Variants in TTC13 observed in about 807,000 individuals in gnomAD.
TTC13 encodes the protein tetratricopeptide repeat protein 13.
TTC13 carries 62 observed loss-of-function variants against 120.0 expected under a neutral mutation model. The observed-to-expected ratio is 0.52, with a 90% confidence interval of 0.42 to 0.64. The LOEUF (loss-of-function observed/expected upper bound fraction) is 0.64, where lower values mean the gene tolerates loss of function less well. TTC13 is among the 30% of genes least tolerant of loss of function. The pLI, the probability that TTC13 is intolerant of heterozygous loss-of-function variation, is 0.00. For synonymous variants in TTC13, 384 were observed against 393.5 expected (o/e 0.98, Z 0.28); for missense variants, 824 against 1,050.2 (o/e 0.78, Z 2.98).
intron 4 of TTC13, among the ~76,000 whole-genome samples, chr1:230,948,225 C>G (rs994697563): frequency 6.6e-6 from 1 of 151,958 alleles, no homozygotes; most frequent in Non-Finnish European, 1.5e-5. Flanking sequence ...TACACATGTG[C>G]ACAATATATA....
chr1:230,956,237 GC>G (rs1447093211), intron 3 of TTC13, among the ~76,000 whole-genome samples: 2 of 152,228 alleles, frequency 1.3e-5, no homozygotes, highest in Non-Finnish European at 2.9e-5. Context: ...AGCCCGGTAC[GC>G]TGAGAAAATT....
chr1:230,925,766 A>G (rs1672995408), intron 12 of TTC13, 119 bp from the exon 13 acceptor site: 3 of 1,132,376 alleles, frequency 2.6e-6, no homozygotes, highest in Non-Finnish European at 3.9e-6. Context: ...CTACGACCAC[A>G]TAATCCTTAC....
At chr1:230,930,169 T>G (rs2102831154) in intron 11 of TTC13, among the ~76,000 whole-genome samples, 1 of 152,330 alleles carries the variant, frequency 6.6e-6, no homozygotes, top group South Asian at 2.1e-4. Flanking sequence ...CAAATTGAGA[T>G]GTACTATAGC....
rs1347685195 is a variant in TTC13 at position 230,924,833 on chromosome 1, T to A, written c.1721+8A>T. On this transcript the variant is annotated splice_region_variant and intron_variant, in intron 14 of 22. Coordinates refer to ENST00000366661, the MANE Select transcript of TTC13 (RefSeq NM_024525.5). ...CTTATAGTTTATTTTCACTGAGATG[T>A]TAGTTACCTTCTCCATTTAACTGCA... 19 of 1,613,916 alleles carry A rather than the reference T, an allele frequency of 1.2e-5. No individual in the cohort carries two copies. Among genetic ancestry groups the A allele is most frequent in the Non-Finnish European group, 1.4e-5 (16 of 1,179,892 alleles).
chr1:230,933,883 T>G, intron 8 of TTC13, 22 bp from the exon 9 acceptor site: 2 of 1,448,048 alleles, frequency 1.4e-6, no homozygotes, highest in Non-Finnish European at 1.9e-6. Context: ...GTAGAGAAAA[T>G]TATTTCATTT....
rs374676389 is a variant in TTC13 at position 230,909,058 on chromosome 1, C to T, written c.2310-38G>A. 7.3e-4 allele frequency: 1,131 copies of T among 1,553,580 alleles called. 8 individuals are homozygous for T. Among genetic ancestry groups the T allele is most frequent in the South Asian group, 3.5e-3 (303 of 87,280 alleles). ...AGAACAAAGGTCAATCCATCCTGGACGGTCTACAGTTACCATGTTAAATTT... is the reference window on the plus strand; with the variant it reads ...AGAACAAAGGTCAATCCATCCTGGATGGTCTACAGTTACCATGTTAAATTT... On this transcript the variant is annotated intron_variant, in intron 20 of 22. Transcript: ENST00000366661.
At chr1:230,969,341 T>C (rs757976251) in intron 1 of TTC13, among the ~76,000 whole-genome samples, 1 of 152,154 alleles carries the variant, frequency 6.6e-6, no homozygotes, top group Non-Finnish European at 1.5e-5. Context: ...CTGGTGAAGA[T>C]GAGTATTTAA....
intron 6 of TTC13, among the ~76,000 whole-genome samples, chr1:230,941,092 T>C (rs1316643373): frequency 6.6e-6 from 1 of 151,944 alleles, no homozygotes; most frequent in Non-Finnish European, 1.5e-5. Context: ...ATCTGCAGAG[T>C]AGGAGGAAAA....
chr1:230,956,211 G>A (rs1676066769), intron 3 of TTC13, among the ~76,000 whole-genome samples: 1 of 152,272 alleles, frequency 6.6e-6, no homozygotes, highest in Non-Finnish European at 1.5e-5. Context: ...TGGCTCCAGA[G>A]CCTAACCTCC....
intron 8 of TTC13, among the ~76,000 whole-genome samples, chr1:230,935,574 G>A (rs563981966): frequency 1.3e-5 from 2 of 152,162 alleles, no homozygotes; most frequent in Non-Finnish European, 2.9e-5. Context: ...AGTGCAGGGT[G>A]CATGGGTGGG....
intron 4 of TTC13, among the ~76,000 whole-genome samples, 170 bp downstream of exon 4, chr1:230,954,163 A>G (rs1439597655): frequency 6.6e-6 from 1 of 152,172 alleles, no homozygotes; most frequent in Admixed American, 6.5e-5. Flanking sequence ...AGATTAAATG[A>G]AAGCATGTCA....
intron 17 of TTC13, among the ~76,000 whole-genome samples, chr1:230,918,805 T>C (rs753265559): frequency 9.2e-5 from 14 of 152,214 alleles, no homozygotes; most frequent in Non-Finnish European, 1.8e-4. Flanking sequence ...GCTACTTCCT[T>C]GCTATTCCTT....
At chr1:230,966,764 C>T (rs1392371780) in intron 1 of TTC13, among the ~76,000 whole-genome samples, 1 of 152,170 alleles carries the variant, frequency 6.6e-6, no homozygotes, top group South Asian at 2.1e-4. Flanking sequence ...ACATAGTTAC[C>T]GTGTACAGGC....
rs1328612292 is a variant in TTC13, at chr1:230,978,822, A to C, written c.9T>G (p.Pro3=). The C allele has an allele frequency of 6.8e-7, 1 of 1,480,872 alleles. No homozygotes were observed. Among genetic ancestry groups the C allele is most frequent in the Non-Finnish European group, 8.9e-7 (1 of 1,126,202 alleles). 91.7% of individuals were successfully genotyped at this position (1,480,872 alleles called of 1,614,324 possible). A position where few individuals can be genotyped will look rare whatever the true frequency, so the allele number is the denominator to read the frequency against. The part of the protein sequence containing the change: MA[P]AGCCCCCCFW... ...AGCAGCAGCAGCAGCAGCAGCCGGCAGGTGCCATCTTCCCTCAAGGCGCAT... is the reference window on the plus strand; with the variant it reads ...AGCAGCAGCAGCAGCAGCAGCCGGCCGGTGCCATCTTCCCTCAAGGCGCAT... Residue 3 remains proline, a synonymous_variant, in exon 1 of 23, where the codon CCT becomes CCG. Transcript: ENST00000366661. The surrounding 1 kb of genome is among the most constrained non-coding windows in gnomAD (Gnocchi z 5.6).
chr1:230,917,143 T>C (rs1173921432), intron 17 of TTC13, among the ~76,000 whole-genome samples: 1 of 152,094 alleles, frequency 6.6e-6, no homozygotes, highest in Non-Finnish European at 1.5e-5. Context: ...GCACAGGTCA[T>C]AAGGCCCACA....
chr1:230,917,778 G>C lies in TTC13; in HGVS notation c.1984-1476C>G, dbSNP rs561373934. On this transcript the variant is annotated intron_variant, in intron 17 of 22. Transcript: ENST00000366661. ...CACTCTGTTTTTCTTCTTAGACAAA[G>C]ACATATAAAATATTAAAATCTCCCT... is the stretch of plus-strand genomic sequence containing the variant. 2.0e-5 allele frequency among the ~76,000 whole-genome samples: 3 copies of C among 152,104 alleles called. No homozygotes were observed. In the South Asian group the frequency reaches 6.2e-4, roughly 32 times the overall value.
chr1:230,978,628 G>C lies in TTC13; in HGVS notation c.203C>G (p.Pro68Arg). ...ELQHRQQQEAPAGGGGCSPQS... is the reference protein window; with the variant it reads ...ELQHRQQQEARAGGGGCSPQS... ...CGGGCTGCAGCCGCCGCCGCCCGCC[G>C]GGGCCTCCTGCTGCTGCCGGTGCTG... The change falls in exon 1 of 23, where the codon CCG becomes CGG. Residue 68 changes from proline to arginine, a missense_variant. Pro to Arg is a moderately radical substitution (Grantham distance 103). Around this residue, in one of 4 missense-constraint regions of TTC13, gnomAD observed 160 missense variants for 137.2 expected, o/e 1.17. Coordinates refer to ENST00000366661, the MANE Select transcript of TTC13 (RefSeq NM_024525.5). This position sits in a 1 kb window ranked among gnomAD's most constrained non-coding sequence, Gnocchi z 5.6. 1 of 1,467,288 alleles carries C rather than the reference G, an allele frequency of 6.8e-7. No homozygotes were observed. Among genetic ancestry groups the C allele is most frequent in the Admixed American group, 2.4e-5 (1 of 41,340 alleles). The allele number at this position is 1,467,288 out of a possible 1,614,324, so 90.9% of individuals were successfully genotyped here.
chr1:230,952,503 T>A (rs1675689695), intron 4 of TTC13, among the ~76,000 whole-genome samples: 1 of 152,230 alleles, frequency 6.6e-6, no homozygotes, highest in African/African-American at 2.4e-5. Context: ...AGTCCAATCT[T>A]ATAATCCACA....
At chr1:230,955,716 G>T (rs759688456) in intron 3 of TTC13, among the ~76,000 whole-genome samples, 1 of 148,470 alleles carries the variant, frequency 6.7e-6, no homozygotes, top group Non-Finnish European at 1.5e-5. Context: ...AAACAGAAAC[G>T]AAATGCAGGA....
Sources: allele counts gnomAD v4.1 joint callset (sites outside exome capture counted in the v4.1 genomes callset), GRCh38; gene constraint gnomAD v4.1.1; regional missense constraint gnomAD v4.1.1; non-coding constraint Gnocchi (gnomAD v3.1); transcripts MANE v1.5; gene names NCBI Gene and HGNC (gene_info 2026-07-23, HGNC 2026-07-21).